Variants in RAMP1 observed in about 807,000 individuals in gnomAD.
RAMP1 encodes receptor activity-modifying protein 1.
RAMP1 carries 7 observed loss-of-function variants against 8.2 expected under a neutral mutation model. The ratio of observed to expected loss-of-function variants is 0.85; its 90% CI spans 0.49 to 1.60. The LOEUF is 1.60. RAMP1 is among the 40% of genes most tolerant of loss of function. The pLI, the probability that RAMP1 is intolerant of heterozygous loss-of-function variation, is 0.00. For missense variants in RAMP1, 192 were observed against 202.4 expected (o/e 0.95, Z 0.31); for synonymous variants, 92 against 84.7 (o/e 1.09, Z -0.47).
At chr2:237,859,582 C>T, upstream of RAMP1, 7 of 946,646 alleles carry the variant, frequency 7.4e-6, no homozygotes, top group South Asian at 1.5e-4. Context: ...CCCGCTCCCG[C>T]CCCCGGCGCG....
intron 2 of RAMP1, among the ~76,000 whole-genome samples, chr2:237,902,942 TC>T (rs757522469): frequency 1.0e-3 from 159 of 152,350 alleles, no homozygotes; most frequent in Non-Finnish European, 1.9e-3. Flanking sequence ...TTCTGCTGTG[TC>T]CCCCTCCCAT....
At chr2:237,910,664 C>T (rs918225553) in intron 2 of RAMP1, among the ~76,000 whole-genome samples, 9 of 147,450 alleles carry the variant, frequency 6.1e-5, no homozygotes. Context: ...CACAGTCACA[C>T]ACAGGGAATA....
chr2:237,880,291 G>A (rs950250745), intron 2 of RAMP1, among the ~76,000 whole-genome samples: 2 of 152,280 alleles, frequency 1.3e-5, no homozygotes, highest in Admixed American at 1.3e-4. Context: ...TCCCAGCTTT[G>A]GCTACTGGAG....
In RAMP1 at chr2:237,911,788, G is replaced by C; in HGVS notation, c.*5G>C. 2 of 1,594,702 alleles carry C rather than the reference G, an allele frequency of 1.3e-6. No individual in the cohort carries two copies. The highest frequency in any genetic ancestry group is 1.7e-6 in the Non-Finnish European group (2 of 1,169,528). ...CGCACTGAGGGCATTGTGTAGGCGG[G>C]GCCCAGGCTGCCCGCGGGTGCACCC... On this transcript the variant is annotated 3_prime_UTR_variant, in exon 3 of 3. Coordinates refer to ENST00000254661, the MANE Select transcript of RAMP1 (RefSeq NM_005855.4).
At chr2:237,884,270 A>G (rs1183443401) in intron 2 of RAMP1, among the ~76,000 whole-genome samples, 1 of 152,130 alleles carries the variant, frequency 6.6e-6, no homozygotes, top group African/African-American at 2.4e-5. Flanking sequence ...AGGGGTTATC[A>G]TCTCATTAAG....
rs191110808 is a variant in RAMP1, at chr2:237,912,030, G to C, written c.*247G>C. 1.0e-4 allele frequency: 63 copies of C among 607,470 alleles called. No homozygotes were observed. Among genetic ancestry groups the C allele is most frequent in the Non-Finnish European group, 1.6e-4 (57 of 352,044 alleles). 37.6% of individuals were successfully genotyped at this position (607,470 alleles called of 1,614,324 possible). A position where few individuals can be genotyped will look rare whatever the true frequency, so the allele number is the denominator to read the frequency against. ...CGTGACCTTGACTTACCTCTGGAAAGGGTCCCAGCCTAGACTGCTTACCCC... is the reference window on the plus strand; with the variant it reads ...CGTGACCTTGACTTACCTCTGGAAACGGTCCCAGCCTAGACTGCTTACCCC... On this transcript the variant is annotated 3_prime_UTR_variant, in exon 3 of 3. Coordinates refer to ENST00000254661, the MANE Select transcript of RAMP1 (RefSeq NM_005855.4).
intron 1 of RAMP1, among the ~76,000 whole-genome samples, chr2:237,860,318 C>T (rs549455686): frequency 2.6e-5 from 4 of 152,234 alleles, no homozygotes; most frequent in Non-Finnish European, 4.4e-5. Context: ...ACACTTCCAT[C>T]GCTTTTTTTC....
intron 2 of RAMP1, among the ~76,000 whole-genome samples, chr2:237,890,036 G>A (rs1238242253): frequency 6.6e-6 from 1 of 152,216 alleles, no homozygotes; most frequent in Non-Finnish European, 1.5e-5. Context: ...CTCCTTCAGC[G>A]CTGTGAGCCT....
chr2:237,864,420 G>A (rs2062164685), intron 1 of RAMP1, among the ~76,000 whole-genome samples: 1 of 152,246 alleles, frequency 6.6e-6, no homozygotes, highest in African/African-American at 2.4e-5. Flanking sequence ...CTTGGTGACT[G>A]ACACCCGGGG....
intron 2 of RAMP1, among the ~76,000 whole-genome samples, chr2:237,882,963 C>G (rs902846832): frequency 6.6e-6 from 1 of 152,180 alleles, no homozygotes; most frequent in African/African-American, 2.4e-5. Context: ...CAGCTGGTCT[C>G]AAGGACTGTG....
chr2:237,864,909 T>G (rs1047014257), intron 1 of RAMP1, among the ~76,000 whole-genome samples: 1 of 152,148 alleles, frequency 6.6e-6, no homozygotes, highest in African/African-American at 2.4e-5. Flanking sequence ...CCTGGAAGCC[T>G]TTTTGACTGA....
intron 2 of RAMP1, among the ~76,000 whole-genome samples, chr2:237,906,026 A>T (rs1402949267): frequency 6.6e-6 from 1 of 151,656 alleles, no homozygotes; most frequent in African/African-American, 2.4e-5. Context: ...AAAAAAAAAA[A>T]AAAAGGCAGC....
intron 2 of RAMP1, among the ~76,000 whole-genome samples, chr2:237,890,465 G>A (rs2062477409): frequency 6.6e-6 from 1 of 152,166 alleles, no homozygotes; most frequent in Admixed American, 6.6e-5. Context: ...GCCTCCCAAA[G>A]TGCTGGGATT....
intron 1 of RAMP1, among the ~76,000 whole-genome samples, chr2:237,872,589 C>T (rs2062258128): frequency 6.6e-6 from 1 of 152,224 alleles, no homozygotes; most frequent in Non-Finnish European, 1.5e-5. Flanking sequence ...TCTGACCTCA[C>T]CATGCCTCCT....
chr2:237,867,358 C>T (rs757392006), intron 1 of RAMP1, among the ~76,000 whole-genome samples: 1 of 151,982 alleles, frequency 6.6e-6, no homozygotes. Context: ...GTCTCAGTGG[C>T]GGCAGCGGCA....
chr2:237,899,762 G>A (rs1395294490), intron 2 of RAMP1, among the ~76,000 whole-genome samples: 3 of 152,214 alleles, frequency 2.0e-5, no homozygotes, highest in Non-Finnish European at 4.4e-5. Context: ...GAACTGGGAA[G>A]CTGCACATCT....
intron 2 of RAMP1, among the ~76,000 whole-genome samples, chr2:237,881,328 C>T (rs778070204): frequency 2.6e-5 from 4 of 152,232 alleles, no homozygotes; most frequent in Non-Finnish European, 5.9e-5. Flanking sequence ...AGAAGCCAAG[C>T]GAGCAGAGGC....
intron 1 of RAMP1, among the ~76,000 whole-genome samples, chr2:237,864,170 C>T (rs368974377): frequency 5.9e-5 from 9 of 152,210 alleles, no homozygotes; most frequent in South Asian, 4.1e-4. Flanking sequence ...TGGGCCAGCT[C>T]ACTCCAGGGG....
chr2:237,863,238 C>T (rs1340184699), intron 1 of RAMP1, among the ~76,000 whole-genome samples: 2 of 152,158 alleles, frequency 1.3e-5, no homozygotes, highest in African/African-American at 4.8e-5. Flanking sequence ...GTGGCTCCAG[C>T]ACTTGCTGGA....
Sources: gnomAD v4.1 joint callset for allele counts (sites outside exome capture counted in the v4.1 genomes callset) on GRCh38, gnomAD v4.1.1 for gene constraint, MANE v1.5 for transcripts, NCBI Gene and HGNC (gene_info 2026-07-23, HGNC 2026-07-21) for gene names.